The following EFCAB6 variants were observed in gnomAD, a reference collection of about 807,000 sequenced individuals.
The protein encoded by EFCAB6 is EF-hand calcium binding domain 6.
EFCAB6 carries 156 observed loss-of-function variants against 169.8 expected under a neutral mutation model. That is an observed-to-expected ratio of 0.92 (90% CI 0.81 to 1.05). The LOEUF (loss-of-function observed/expected upper bound fraction) is 1.05. Among genes scored for constraint, EFCAB6 ranks in the 50% least tolerant of loss-of-function variants. EFCAB6 has a pLI of 0.00. For synonymous variants in EFCAB6, 698 were observed against 676.4 expected (o/e 1.03, Z -0.50); for missense variants, 1,800 against 1,829.1 (o/e 0.98, Z 0.29).
Position 43,605,003 on chromosome 22 carries a change from C to T in EFCAB6, c.2681+3479G>A, listed in dbSNP as rs187660035. ...TTTCTAGCAAAGTTTGTTTTAGATTCAAAGAGTTGAATTCTACCTGGTTAA... is the reference window on the plus strand; with the variant it reads ...TTTCTAGCAAAGTTTGTTTTAGATTTAAAGAGTTGAATTCTACCTGGTTAA... On this transcript the variant is annotated intron_variant, in intron 22 of 31. Coordinates refer to ENST00000262726, the MANE Select transcript of EFCAB6 (RefSeq NM_022785.4). 7.1e-3 allele frequency among the ~76,000 whole-genome samples: 1,080 copies of T among 152,262 alleles called. 2 individuals are homozygous for T. Among genetic ancestry groups the T allele is most frequent in the Non-Finnish European group, 0.011 (769 of 68,034 alleles).
intron 27 of EFCAB6, 69 bp from the exon 28 acceptor site, chr22:43,540,426 C>G (rs774590537): frequency 6.2e-7 from 1 of 1,604,130 alleles, no homozygotes; most frequent in Admixed American, 1.7e-5. Context: ...CCTGTGCCAG[C>G]GAGAAGTGGG....
At chr22:43,635,024 CCTGGTGGCA>C (rs2055276783) in intron 18 of EFCAB6, 69 bp downstream of exon 18, 1 of 1,165,102 alleles carries the variant, frequency 8.6e-7, no homozygotes, top group African/African-American at 1.5e-5. Context: ...ACCCGAGTGG[CCTGGTGGCA>C]CTGCTAGCAA....
At chr22:43,584,905 CAGGAG>C (rs1387522965) in intron 24 of EFCAB6, among the ~76,000 whole-genome samples, 3 of 152,124 alleles carry the variant, frequency 2.0e-5, no homozygotes. Context: ...ACCCAGAAAA[CAGGAG>C]AGGAAAAAAC....
At chr22:43,759,967 G>A (rs1412017318) in intron 5 of EFCAB6, 2 of 152,212 alleles carry the variant, frequency 1.3e-5, no homozygotes, top group Non-Finnish European at 2.9e-5. Flanking sequence ...CACTTTGGGA[G>A]GCTGAGGTGG....
intron 27 of EFCAB6, among the ~76,000 whole-genome samples, chr22:43,541,709 T>C (rs2147078825): frequency 6.6e-6 from 1 of 152,306 alleles, no homozygotes; most frequent in South Asian, 2.1e-4. Context: ...CCCACCTCTG[T>C]GTCCTCCAGG....
At chr22:43,673,919 A>T (rs986646203) in intron 13 of EFCAB6, among the ~76,000 whole-genome samples, 3 of 151,288 alleles carry the variant, frequency 2.0e-5, no homozygotes, top group African/African-American at 4.9e-5. Context: ...GTGAGCCGAG[A>T]TCGCGCCACT....
chr22:43,665,708 C>A (rs959914969), intron 17 of EFCAB6, among the ~76,000 whole-genome samples: 1 of 152,230 alleles, frequency 6.6e-6, no homozygotes, highest in African/African-American at 2.4e-5. Context: ...TAATCAAAAT[C>A]ATCAATGACT....
intron 10 of EFCAB6, among the ~76,000 whole-genome samples, chr22:43,690,634 A>ATGG (rs986903224): frequency 1.3e-5 from 2 of 151,986 alleles, no homozygotes; most frequent in African/African-American, 2.4e-5. Context: ...CAAGCCTGCA[A>ATGG]TGGTGTGGCC....
intron 17 of EFCAB6, among the ~76,000 whole-genome samples, chr22:43,646,571 G>A (rs964520730): frequency 6.6e-6 from 1 of 152,160 alleles, no homozygotes; most frequent in Non-Finnish European, 1.5e-5. Flanking sequence ...TAATGAGAAT[G>A]TCATAAATGA....
intron 21 of EFCAB6, among the ~76,000 whole-genome samples, chr22:43,613,655 T>C (rs2053482986): frequency 6.6e-6 from 1 of 152,088 alleles, no homozygotes; most frequent in Admixed American, 6.5e-5. Context: ...AAGATAACTA[T>C]TGGGTATTAA....
rs191114668 is a variant in EFCAB6 at position 43,600,808 on chromosome 22, G to A, written c.2682-545C>T. Reference sequence around the variant, plus strand: ...CCTCCCGAGTAGCTGGGATTACAGCGCCGGCCACCATGCCCGGCTAATGTT... The same window carrying A: ...CCTCCCGAGTAGCTGGGATTACAGCACCGGCCACCATGCCCGGCTAATGTT... On this transcript the variant is annotated intron_variant, in intron 22 of 31. Transcript: ENST00000262726. Among the ~76,000 whole-genome samples, 666 of 152,070 alleles carry A rather than the reference G, an allele frequency of 4.4e-3. 4 individuals are homozygous for A. The highest frequency in any genetic ancestry group is 0.034 in the Middle Eastern group (10 of 294).
intron 17 of EFCAB6, among the ~76,000 whole-genome samples, chr22:43,639,076 G>C (rs1400759381): frequency 2.0e-5 from 3 of 152,086 alleles, no homozygotes; most frequent in Admixed American, 6.6e-5. Context: ...ACCCTGTTCT[G>C]GTATAGTTGA....
At chr22:43,565,534 C>T (rs1351485124) in intron 26 of EFCAB6, among the ~76,000 whole-genome samples, 1 of 152,144 alleles carries the variant, frequency 6.6e-6, no homozygotes, top group Non-Finnish European at 1.5e-5. Context: ...GCTTTGTGGC[C>T]CTTGGTGAGT....
chr22:43,564,967 T>G (rs996121917), intron 26 of EFCAB6, among the ~76,000 whole-genome samples: 7 of 152,226 alleles, frequency 4.6e-5, no homozygotes, highest in African/African-American at 1.7e-4. Flanking sequence ...GTCACCTCTA[T>G]GGCCCCCCTG....
intron 17 of EFCAB6, among the ~76,000 whole-genome samples, chr22:43,649,485 T>G (rs371727290): frequency 5.3e-5 from 8 of 152,302 alleles, no homozygotes; most frequent in African/African-American, 2.4e-5. Context: ...AGCAAATAGA[T>G]AACATGTTTA....
intron 17 of EFCAB6, among the ~76,000 whole-genome samples, chr22:43,646,440 T>C (rs2056160869): frequency 6.6e-6 from 1 of 151,872 alleles, no homozygotes; most frequent in African/African-American, 2.4e-5. Context: ...GCCAAGAAAA[T>C]ACAAAAAGGA....
chr22:43,763,163 C>G (rs867982031), intron 5 of EFCAB6, among the ~76,000 whole-genome samples: 1 of 152,020 alleles, frequency 6.6e-6, no homozygotes, highest in Non-Finnish European at 1.5e-5. Flanking sequence ...CTCAGCCTCC[C>G]GAGTCGCTGG....
intron 17 of EFCAB6, among the ~76,000 whole-genome samples, chr22:43,648,138 G>T (rs1400174241): frequency 6.6e-6 from 1 of 151,826 alleles, no homozygotes; most frequent in Non-Finnish European, 1.5e-5. Context: ...ATATGTATAT[G>T]ATATATATCC....
chr22:43,684,554 C>T (rs1801401491), intron 11 of EFCAB6, among the ~76,000 whole-genome samples: 2 of 152,266 alleles, frequency 1.3e-5, no homozygotes, highest in South Asian at 4.1e-4. Context: ...CCTACCTTTC[C>T]CATGAAACAA....
Sources: gnomAD v4.1 joint callset for allele counts (sites outside exome capture counted in the v4.1 genomes callset) on GRCh38, gnomAD v4.1.1 for gene constraint, MANE v1.5 for transcripts, NCBI Gene and HGNC (gene_info 2026-07-23, HGNC 2026-07-21) for gene names.